TPST1: variants seen among roughly 807,000 people sequenced by gnomAD.
The protein encoded by TPST1 is tyrosylprotein sulfotransferase 1, also known as protein-tyrosine sulfotransferase 1.
A neutral mutation model predicts 34.8 loss-of-function variants in TPST1; 20 were observed. That is an observed-to-expected ratio of 0.57 (90% CI 0.40 to 0.84). TPST1 has a LOEUF of 0.84. Ranked by LOEUF, TPST1 falls within the 40% of genes least tolerant of loss-of-function variation. TPST1 has a pLI of 0.00. For missense variants in TPST1, 353 were observed against 455.5 expected (o/e 0.78, Z 2.05); for synonymous variants, 152 against 159.4 (o/e 0.95, Z 0.35).
intron 2 of TPST1, among the ~76,000 whole-genome samples, chr7:66,242,416 G>A (rs1346382432): frequency 1.3e-5 from 2 of 151,608 alleles, no homozygotes; most frequent in East Asian, 3.9e-4. Context: ...TTTTTTTGCT[G>A]TATAGAACTT....
intron 3 of TPST1, among the ~76,000 whole-genome samples, chr7:66,293,229 G>T (rs968912750): frequency 6.6e-6 from 1 of 151,846 alleles, no homozygotes; most frequent in East Asian, 1.9e-4. Context: ...AAAAACTTGG[G>T]CCCAGCATAG....
At chr7:66,279,113 G>A (rs1388708905) in intron 2 of TPST1, among the ~76,000 whole-genome samples, 2 of 152,098 alleles carry the variant, frequency 1.3e-5, no homozygotes, top group Non-Finnish European at 2.9e-5. Context: ...AGGCCCAAGC[G>A]TCTGTTGTTC....
intron 3 of TPST1, among the ~76,000 whole-genome samples, chr7:66,296,254 C>G (rs1351101482): frequency 1.0e-3 from 38 of 36,384 alleles, no homozygotes; most frequent in African/African-American, 3.3e-3. Flanking sequence ...CCTTCCCCCC[C>G]CCCTCCCCCA....
At chr7:66,249,443 T>C (rs1250794704) in intron 2 of TPST1, among the ~76,000 whole-genome samples, 1 of 152,232 alleles carries the variant, frequency 6.6e-6, no homozygotes. Flanking sequence ...TGAAGAATTA[T>C]TTCATTGTTT....
chr7:66,228,326 C>G (rs1325766209), intron 1 of TPST1, among the ~76,000 whole-genome samples: 3 of 152,280 alleles, frequency 2.0e-5, no homozygotes, highest in Middle Eastern at 3.4e-3. Context: ...TTTTCTTGCT[C>G]TCTTTCAGCA....
At chr7:66,252,502 C>T (rs1278355270) in intron 2 of TPST1, among the ~76,000 whole-genome samples, 4 of 150,822 alleles carry the variant, frequency 2.7e-5, no homozygotes, top group African/African-American at 7.3e-5. Flanking sequence ...CCACCATGCC[C>T]GGCTAATTTT....
At chr7:66,352,667 A>C in intron 4 of TPST1, 112 bp downstream of exon 4, 1 of 1,537,102 alleles carries the variant, frequency 6.5e-7, no homozygotes. Flanking sequence ...AACCAAAAAG[A>C]AAAGAAGAAA....
At chr7:66,320,204 A>G (rs1308215457) in intron 3 of TPST1, among the ~76,000 whole-genome samples, 3 of 142,546 alleles carry the variant, frequency 2.1e-5, no homozygotes, top group African/African-American at 7.8e-5. Context: ...GATTGACAAT[A>G]TTCATTTGTG....
At chr7:66,358,470 T>G (rs1239347864) in intron 5 of TPST1, among the ~76,000 whole-genome samples, 2 of 152,042 alleles carry the variant, frequency 1.3e-5, no homozygotes, top group Admixed American at 1.3e-4. Flanking sequence ...AAATTATATA[T>G]ACATCTATAT....
At chr7:66,342,751 C>A (rs984558196) in intron 3 of TPST1, among the ~76,000 whole-genome samples, 3 of 152,136 alleles carry the variant, frequency 2.0e-5, no homozygotes, top group Admixed American at 1.3e-4. Flanking sequence ...CTTGAACAAC[C>A]AGATCTCGCA....
chr7:66,355,703 C>G (rs1490317977), intron 4 of TPST1, among the ~76,000 whole-genome samples: 1 of 151,720 alleles, frequency 6.6e-6, no homozygotes, highest in African/African-American at 2.4e-5. Context: ...AGTTCAAGAC[C>G]AGCCTGGCAA....
chr7:66,354,522 C>CAAAAAAAA lies in TPST1; in HGVS notation c.1095+1989_1095+1996dup, dbSNP rs66521537. 2.3e-4 allele frequency among the ~76,000 whole-genome samples: 14 copies of CAAAAAAAA among 60,790 alleles called. 1 individual carries two copies. Among genetic ancestry groups the CAAAAAAAA allele is most frequent in the East Asian group, 2.0e-3 (4 of 2,034 alleles). 39.9% of individuals were successfully genotyped at this position (60,790 alleles called of 152,430 possible). ...TGGGTGACAGAGCGAGAGTCTGTCT[C>CAAAAAAAA]AAAAAAAAAAAAAAAAAAAAAAAAA... On this transcript the variant is annotated intron_variant, in intron 4 of 5. Coordinates refer to ENST00000304842, the MANE Select transcript of TPST1 (RefSeq NM_003596.4).
intron 2 of TPST1, among the ~76,000 whole-genome samples, 181 bp downstream of exon 2, chr7:66,241,451 CTA>C (rs1024379869): frequency 3.9e-5 from 6 of 152,060 alleles, no homozygotes; most frequent in Non-Finnish European, 8.8e-5. Context: ...TATTAATTCT[CTA>C]CTAGTTTATT....
In TPST1 at chr7:66,313,655, A is replaced by G. The variant is rs189219960; in HGVS notation, c.1044+26946A>G. Among the ~76,000 whole-genome samples, 116 of 152,264 alleles carry G rather than the reference A, an allele frequency of 7.6e-4. 1 individual carries two copies. Among genetic ancestry groups the G allele is most frequent in the African/African-American group, 2.7e-3 (113 of 41,570 alleles). On this transcript the variant is annotated intron_variant, in intron 3 of 5. Coordinates refer to ENST00000304842, the MANE Select transcript of TPST1 (RefSeq NM_003596.4). ...GATTTCATGAAACAAAGAGTTAAGA[A>G]CTACAGTAGTGGAGCAATATTCATG...
chr7:66,269,403 A>C (rs1790653887), intron 2 of TPST1, among the ~76,000 whole-genome samples: 1 of 152,226 alleles, frequency 6.6e-6, no homozygotes, highest in Non-Finnish European at 1.5e-5. Context: ...AGCTATTATG[A>C]CCAAATAGTT....
chr7:66,307,262 C>T (rs1469246301), intron 3 of TPST1, among the ~76,000 whole-genome samples: 2 of 151,866 alleles, frequency 1.3e-5, no homozygotes, highest in African/African-American at 2.4e-5. Context: ...GGACTACAGG[C>T]GTCTGCCACC....
intron 1 of TPST1, among the ~76,000 whole-genome samples, chr7:66,215,785 T>C (rs1171345050): frequency 6.7e-6 from 1 of 149,164 alleles, no homozygotes. Context: ...CTTTTTTTTT[T>C]TTTTTGAGAC....
chr7:66,286,052 C>T (rs892748931), intron 2 of TPST1, among the ~76,000 whole-genome samples: 1 of 152,178 alleles, frequency 6.6e-6, no homozygotes, highest in Non-Finnish European at 1.5e-5. Context: ...CTTATACCCA[C>T]CAGCTAGATT....
At chr7:66,340,629 A>G (rs986745241) in intron 3 of TPST1, among the ~76,000 whole-genome samples, 11 of 152,330 alleles carry the variant, frequency 7.2e-5, no homozygotes, top group African/African-American at 2.6e-4. Flanking sequence ...CAGAAAAGCA[A>G]TCCCATTTAC....
Sources: gnomAD v4.1 joint callset for allele counts (sites outside exome capture counted in the v4.1 genomes callset) on GRCh38, gnomAD v4.1.1 for gene constraint, MANE v1.5 for transcripts, NCBI Gene and HGNC (gene_info 2026-07-23, HGNC 2026-07-21) for gene names.